SHLD3: variants seen among roughly 807,000 people sequenced by gnomAD.
SHLD3 encodes shieldin complex subunit 3.
Under a neutral mutation model 21.4 loss-of-function variants are expected in SHLD3, and 15 were observed. The ratio of observed to expected loss-of-function variants is 0.70; its 90% CI spans 0.47 to 1.08. SHLD3 has a LOEUF of 1.08. Among genes scored for constraint, SHLD3 ranks in the 50% least tolerant of loss-of-function variants. SHLD3 has a pLI of 0.00. For synonymous variants in SHLD3, 103 were observed against 97.2 expected (o/e 1.06, Z -0.35); for missense variants, 273 against 286.1 (o/e 0.95, Z 0.33).
intron 1 of SHLD3, among the ~76,000 whole-genome samples, chr5:65,628,678 G>A (rs1311378075): frequency 6.6e-6 from 1 of 151,818 alleles, no homozygotes; most frequent in Non-Finnish European, 1.5e-5. Flanking sequence ...CACCATGTTG[G>A]CCAGGCTGGT....
intron 1 of SHLD3, among the ~76,000 whole-genome samples, chr5:65,628,492 C>T (rs1372808625): frequency 2.0e-5 from 3 of 148,806 alleles, no homozygotes; most frequent in Non-Finnish European, 3.0e-5. Flanking sequence ...CGGAGTCTTG[C>T]CCTGTCACCC....
intron 1 of SHLD3, among the ~76,000 whole-genome samples, chr5:65,626,762 T>C (rs1755254251): frequency 6.6e-6 from 1 of 151,812 alleles, no homozygotes; most frequent in Admixed American, 6.6e-5. Context: ...AAAAGTTAAA[T>C]TCCAGTGATA....
At chr5:65,628,422 A>C (rs1208232313) in intron 1 of SHLD3, among the ~76,000 whole-genome samples, 2 of 152,152 alleles carry the variant, frequency 1.3e-5, no homozygotes, top group Non-Finnish European at 2.9e-5. Flanking sequence ...GAAATCATCA[A>C]ATATTCTATC....
At chr5:65,627,455 C>T (rs559146622) in intron 1 of SHLD3, among the ~76,000 whole-genome samples, 29 of 152,010 alleles carry the variant, frequency 1.9e-4, no homozygotes, top group Non-Finnish European at 4.0e-4. Flanking sequence ...CATTATGAAA[C>T]CCCGTCTCTA....
intron 1 of SHLD3, among the ~76,000 whole-genome samples, chr5:65,626,499 G>A (rs956859571): frequency 1.3e-5 from 2 of 152,176 alleles, no homozygotes; most frequent in African/African-American, 2.4e-5. Context: ...AGCAGTTTGG[G>A]AGGCCAAGGC....
In SHLD3 at chr5:65,629,978, T is replaced by C. The variant is rs1371987551; in HGVS notation, c.391T>C (p.Ser131Pro). The part of the protein sequence containing the change: ...SEKGKQHKRR[S>P]WSISLPSNNC... ...AAAGGGAAAACAGCACAAGAGGAGA[T>C]CTTGGAGTATTTCCCTTCCCAGCAA... Residue 131 changes from serine to proline, a missense_variant, in exon 2 of 2, where the codon TCT becomes CCT. Transcript: ENST00000510585. 1.3e-6 allele frequency: 2 copies of C among 1,535,844 alleles called. No individual in the cohort carries two copies. The highest frequency in any genetic ancestry group is 1.7e-6 in the Non-Finnish European group (2 of 1,146,838).
intron 1 of SHLD3, among the ~76,000 whole-genome samples, chr5:65,628,984 A>C (rs543505300): frequency 1.2e-4 from 18 of 151,102 alleles, no homozygotes; most frequent in African/African-American, 4.1e-4. Flanking sequence ...CACCCAGCTA[A>C]TTTTTTTTTG....
chr5:65,627,478 A>C (rs774569602), intron 1 of SHLD3, among the ~76,000 whole-genome samples: 1 of 152,010 alleles, frequency 6.6e-6, no homozygotes, highest in Non-Finnish European at 1.5e-5. Flanking sequence ...GAAAATACAA[A>C]AATTAGCCAG....
Position 65,630,568 on chromosome 5 carries a change from T to C in SHLD3, c.*228T>C. ...AGGTAAAAATGTTCTGTTCCTTTTG[T>C]TACAAACTGTGATTGAATTAGTCAT... On this transcript the variant is annotated 3_prime_UTR_variant, in exon 2 of 2. Transcript: ENST00000510585. 1 of 1,184,414 alleles carries C rather than the reference T, an allele frequency of 8.4e-7. No homozygotes were observed. The allele number at this position is 1,184,414 out of a possible 1,614,324, so 73.4% of individuals were successfully genotyped here.
In SHLD3 at chr5:65,630,378, A is replaced by G. The variant is rs758966122; in HGVS notation, c.*38A>G. 2 of 1,446,282 alleles carry G rather than the reference A, an allele frequency of 1.4e-6. No individual in the cohort carries two copies. The highest frequency in any genetic ancestry group is 2.9e-5 in the South Asian group (2 of 68,112). 89.6% of individuals were successfully genotyped at this position (1,446,282 alleles called of 1,614,324 possible). A position where few individuals can be genotyped will look rare whatever the true frequency, so the allele number is the denominator to read the frequency against. The stretch of plus-strand genomic sequence containing the variant: ...ATTGTCAAAAAGAATATTCTGAATG[A>G]AATGAATATGGATTGAAATAGATAA... On this transcript the variant is annotated 3_prime_UTR_variant, in exon 2 of 2. Coordinates refer to ENST00000510585, the MANE Select transcript of SHLD3 (RefSeq NM_001365341.2).
chr5:65,625,073 C>A lies in SHLD3; in HGVS notation c.-154C>A. The A allele has an allele frequency of 6.2e-7, 1 of 1,613,652 alleles. No homozygotes were observed. The highest frequency in any genetic ancestry group is 8.5e-7 in the Non-Finnish European group (1 of 1,179,674). On this transcript the variant is annotated 5_prime_UTR_variant, in exon 1 of 2. Transcript: ENST00000510585. ...AGTGCCGGTCAAAATGGAAGTGAAT[C>A]CCCCTAAACAGGAGCACCTGCTGGC...
At chr5:65,626,676 C>A (rs377214483) in intron 1 of SHLD3, among the ~76,000 whole-genome samples, 26 of 151,980 alleles carry the variant, frequency 1.7e-4, no homozygotes, top group East Asian at 1.6e-3. Context: ...GCGGAGCTTG[C>A]AGTGATCCGA....
intron 1 of SHLD3, chr5:65,626,188 T>A (rs1163851770): frequency 6.6e-6 from 1 of 152,204 alleles, no homozygotes; most frequent in Non-Finnish European, 1.5e-5. Context: ...GTGTTCTTTA[T>A]CTCACAATCT....
At chr5:65,625,941 G>A (rs1016743430) in intron 1 of SHLD3, 1 of 152,166 alleles carries the variant, frequency 6.6e-6, no homozygotes, top group African/African-American at 2.4e-5. Flanking sequence ...CCATTTTGAG[G>A]AACGCCTTAT....
Position 65,629,744 on chromosome 5 carries a change from C to T in SHLD3, c.157C>T (p.Pro53Ser), listed in dbSNP as rs1374469830. The change falls in exon 2 of 2, where the codon CCT (proline) becomes TCT (serine). Residue 53 changes from proline (P) to serine (S), a missense_variant. By Grantham distance (74) the Pro-to-Ser change is moderately conservative. Coordinates refer to ENST00000510585, the MANE Select transcript of SHLD3 (RefSeq NM_001365341.2). Reference protein sequence around the residue: ...PYDGSKLPLRPKRSPPVISEE... With the variant: ...PYDGSKLPLRSKRSPPVISEE... ...TGATGGGTCCAAGCTTCCACTCAGA[C>T]CTAAAAGATCACCACCTGTGATTTC... is the stretch of plus-strand genomic sequence containing the variant. 2.0e-6 allele frequency: 3 copies of T among 1,536,068 alleles called. No homozygotes were observed. The highest frequency in any genetic ancestry group is 2.6e-6 in the Non-Finnish European group (3 of 1,146,898).
At chr5:65,627,331 T>A (rs991746443) in intron 1 of SHLD3, among the ~76,000 whole-genome samples, 12 of 151,622 alleles carry the variant, frequency 7.9e-5, no homozygotes, top group Non-Finnish European at 1.3e-4. Context: ...AAGTGGTCAT[T>A]TAAGTTCACT....
chr5:65,625,344 T>C, intron 1 of SHLD3: 1 of 437,824 alleles, frequency 2.3e-6, no homozygotes, highest in Non-Finnish European at 4.1e-6. Context: ...GCTGCTTCAG[T>C]CACGAGATTT....
In SHLD3 at chr5:65,627,215, TA is replaced by T. The variant is rs11300377; in HGVS notation, c.-121+2110del. On this transcript the variant is annotated intron_variant, in intron 1 of 1. Coordinates refer to ENST00000510585, the MANE Select transcript of SHLD3 (RefSeq NM_001365341.2). ...CAAAATTGACTGATAGTTTCAACTT[TA>T]TTAAACCTCTTTAGTACCATCTTAT... is the stretch of plus-strand genomic sequence containing the variant. Among the ~76,000 whole-genome samples the T allele has an allele frequency of 6.9e-3, 1,044 of 151,358 alleles. 9 individuals carry two copies. Among genetic ancestry groups the T allele is most frequent in the African/African-American group, 0.024 (989 of 41,236 alleles).
Position 65,629,715 on chromosome 5 carries a change from C to T in SHLD3, c.128C>T (p.Pro43Leu). 1 of 1,536,062 alleles carries T rather than the reference C, an allele frequency of 6.5e-7. No individual in the cohort carries two copies. Among genetic ancestry groups the T allele is most frequent in the Non-Finnish European group, 8.7e-7 (1 of 1,146,902 alleles). Reference protein sequence around the residue: ...RPLSRFIPWFPYDGSKLPLRP... With the variant: ...RPLSRFIPWFLYDGSKLPLRP... Reference sequence around the variant, plus strand: ...CTATCAAGATTTATACCTTGGTTTCCATATGATGGGTCCAAGCTTCCACTC... The same window carrying T: ...CTATCAAGATTTATACCTTGGTTTCTATATGATGGGTCCAAGCTTCCACTC... Residue 43 changes from proline (P) to leucine (L), a missense_variant, in exon 2 of 2, where the codon CCA becomes CTA. By Grantham distance (98) the Pro-to-Leu change is moderately conservative (BLOSUM62 -3). Transcript: ENST00000510585.
Sources: gnomAD v4.1 joint callset for allele counts (sites outside exome capture counted in the v4.1 genomes callset) on GRCh38, gnomAD v4.1.1 for gene constraint, MANE v1.5 for transcripts, NCBI Gene and HGNC (gene_info 2026-07-23, HGNC 2026-07-21) for gene names.